The following ZFHX4 variants were observed in gnomAD, a reference collection of about 807,000 sequenced individuals.
The protein encoded by ZFHX4 is zinc finger homeobox 4, also known as zinc finger homeobox protein 4.
In ZFHX4, 56 loss-of-function variants were observed where a neutral mutation model predicts 267.6. The ratio of observed to expected loss-of-function variants is 0.21; its 90% CI spans 0.17 to 0.26. The LOEUF is 0.26. Ranked by LOEUF, ZFHX4 falls within the 10% of genes least tolerant of loss-of-function variation. The pLI is 1.00. For synonymous variants in ZFHX4, 1,778 were observed against 1,665.6 expected, an observed-to-expected ratio of 1.07 and a Z score of -1.64; for missense variants, 4,332 against 4,420.0, an observed-to-expected ratio of 0.98 and a Z score of 0.56.
At chr8:76,837,459 T>C (rs1008095110) in intron 5 of ZFHX4, among the ~76,000 whole-genome samples, 2 of 135,130 alleles carry the variant, frequency 1.5e-5, no homozygotes, top group Non-Finnish European at 3.2e-5. Context: ...GGTTGAATAA[T>C]AAATATGATT....
At chr8:76,742,536 T>C (rs1201658349) in intron 3 of ZFHX4, among the ~76,000 whole-genome samples, 1 of 152,186 alleles carries the variant, frequency 6.6e-6, no homozygotes, top group Non-Finnish European at 1.5e-5. Context: ...TCTGTTCATT[T>C]AATGCATAAC....
chr8:76,786,018 G>A (rs756047587), intron 4 of ZFHX4, among the ~76,000 whole-genome samples: 10 of 152,020 alleles, frequency 6.6e-5, no homozygotes, highest in South Asian at 2.1e-4. Flanking sequence ...AAACAAACCC[G>A]TAACGTGGAT....
chr8:76,853,251 C>G lies in ZFHX4; in HGVS notation c.6330C>G (p.Thr2110=). The change falls in exon 10 of 11, where the codon ACC becomes ACG. Residue 2110 remains threonine (T), a synonymous_variant. Coordinates refer to ENST00000651372, the MANE Select transcript of ZFHX4 (RefSeq NM_024721.5). The part of the protein sequence containing the change: ...PQMDALSADL[T]QLCQQQLGLD... ...TGGACGCACTCTCTGCAGACCTCAC[C>G]CAACTTTGCCAGCAGCAGCTCGGAT... The G allele has an allele frequency of 6.3e-7, 1 of 1,587,730 alleles. No homozygotes were observed. Among genetic ancestry groups the G allele is most frequent in the Non-Finnish European group, 8.6e-7 (1 of 1,166,544 alleles).
At chr8:76,694,671 C>T (rs893144714) in intron 1 of ZFHX4, among the ~76,000 whole-genome samples, 3 of 123,936 alleles carry the variant, frequency 2.4e-5, no homozygotes, top group African/African-American at 8.9e-5. Flanking sequence ...ACCCGCCCCC[C>T]ACCCTCCGCC....
In ZFHX4 at chr8:76,855,368, G is replaced by C. The variant is rs901752984; in HGVS notation, c.8447G>C (p.Gly2816Ala). The C allele has an allele frequency of 5.0e-6, 8 of 1,613,552 alleles. No homozygotes were observed. The African/African-American group carries it at 1.1e-4, about 22-fold the overall frequency. The change falls in exon 10 of 11, where the codon GGA (glycine) becomes GCA (alanine). Residue 2816 changes from glycine to alanine, a missense_variant. Coordinates refer to ENST00000651372, the MANE Select transcript of ZFHX4 (RefSeq NM_024721.5). ...ACGGCAATCAGTGACGCCACCACCGGAGACGAGGGAAACACTGAAATGGAA... is the reference window on the plus strand; with the variant it reads ...ACGGCAATCAGTGACGCCACCACCGCAGACGAGGGAAACACTGAAATGGAA... Reference protein sequence around the residue: ...INTAISDATTGDEGNTEMEST... With the variant: ...INTAISDATTADEGNTEMEST...
chr8:76,743,207 C>G (rs1008156895), intron 3 of ZFHX4, among the ~76,000 whole-genome samples: 5 of 152,156 alleles, frequency 3.3e-5, no homozygotes, highest in African/African-American at 4.8e-5. Flanking sequence ...GATTGAATCT[C>G]AGAGACTGAG....
chr8:76,738,409 G>A (rs577131352), intron 3 of ZFHX4, among the ~76,000 whole-genome samples: 1 of 152,236 alleles, frequency 6.6e-6, no homozygotes, highest in East Asian at 1.9e-4. Context: ...AGCAAGTTCA[G>A]GTTGCCTAAG....
chr8:76,689,973 C>T (rs1054294193), intron 1 of ZFHX4, among the ~76,000 whole-genome samples: 1 of 152,022 alleles, frequency 6.6e-6, no homozygotes, highest in Non-Finnish European at 1.5e-5. Context: ...ATCATAATGT[C>T]CTGATGGTCC....
At chr8:76,741,796 T>G (rs370896225) in intron 3 of ZFHX4, among the ~76,000 whole-genome samples, 4 of 152,158 alleles carry the variant, frequency 2.6e-5, no homozygotes, top group African/African-American at 9.7e-5. Context: ...TTTTTCAGAA[T>G]GTGTATATTT....
intron 6 of ZFHX4, among the ~76,000 whole-genome samples, chr8:76,846,287 T>C (rs1221256440): frequency 6.6e-6 from 1 of 152,074 alleles, no homozygotes; most frequent in Non-Finnish European, 1.5e-5. Flanking sequence ...CACATCTCAA[T>C]ATTCTCTACT....
In ZFHX4 at chr8:76,801,405, T is replaced by C. The variant is rs188626762; in HGVS notation, c.3325+22966T>C. Among the ~76,000 whole-genome samples the C allele has an allele frequency of 2.9e-3, 441 of 152,308 alleles. 1 individual carries two copies. The highest frequency in any genetic ancestry group is 5.1e-3 in the Non-Finnish European group (345 of 68,014). On this transcript the variant is annotated intron_variant, in intron 4 of 10. Transcript: ENST00000651372. Reference sequence around the variant, plus strand: ...GATTTAAAAGGACCGTTTAACCTTATTGTTTTAAAAGAACTCTTTGTCCTC... The same window carrying C: ...GATTTAAAAGGACCGTTTAACCTTACTGTTTTAAAAGAACTCTTTGTCCTC...
intron 3 of ZFHX4, among the ~76,000 whole-genome samples, chr8:76,728,257 G>A (rs1808907027): frequency 6.6e-6 from 1 of 152,116 alleles, no homozygotes; most frequent in Non-Finnish European, 1.5e-5. Flanking sequence ...TCCCATCCTG[G>A]TCACGGTTAA....
chr8:76,762,635 G>C (rs1004014708), intron 3 of ZFHX4, among the ~76,000 whole-genome samples: 1 of 152,034 alleles, frequency 6.6e-6, no homozygotes, highest in Non-Finnish European at 1.5e-5. Context: ...TACACTACTC[G>C]TCACAGTTCA....
intron 3 of ZFHX4, among the ~76,000 whole-genome samples, chr8:76,743,876 A>G (rs1809385820): frequency 6.6e-6 from 1 of 152,206 alleles, no homozygotes; most frequent in Non-Finnish European, 1.5e-5. Flanking sequence ...AGAAATTCAG[A>G]CCTGTAGTTC....
At chr8:76,741,490 C>T (rs184153225) in intron 3 of ZFHX4, among the ~76,000 whole-genome samples, 2 of 152,298 alleles carry the variant, frequency 1.3e-5, no homozygotes, top group African/African-American at 4.8e-5. Context: ...GGTTACTCTC[C>T]ATCCTTATCT....
chr8:76,739,740 A>G (rs1809266043), intron 3 of ZFHX4, among the ~76,000 whole-genome samples: 1 of 152,204 alleles, frequency 6.6e-6, no homozygotes, highest in South Asian at 2.1e-4. Context: ...AATGGTCAGG[A>G]GAAAAACAAT....
chr8:76,698,168 A>G (rs1041531796), intron 1 of ZFHX4, among the ~76,000 whole-genome samples: 1 of 152,128 alleles, frequency 6.6e-6, no homozygotes, highest in Non-Finnish European at 1.5e-5. Flanking sequence ...ATTCATTTTC[A>G]ATTAGAATGA....
At chr8:76,696,239 T>C (rs1490078857) in intron 1 of ZFHX4, among the ~76,000 whole-genome samples, 3 of 152,184 alleles carry the variant, frequency 2.0e-5, no homozygotes, top group Non-Finnish European at 4.4e-5. Context: ...TTCATTTTAA[T>C]AGAAACTGTA....
intron 4 of ZFHX4, among the ~76,000 whole-genome samples, chr8:76,788,302 A>G (rs145773064): frequency 2.0e-4 from 31 of 152,262 alleles, no homozygotes; most frequent in African/African-American, 7.2e-4. Flanking sequence ...GTTATCTTTT[A>G]TAGGCTAGCA....
Sources: gnomAD v4.1 joint callset for allele counts (sites outside exome capture counted in the v4.1 genomes callset) on GRCh38, gnomAD v4.1.1 for gene constraint, MANE v1.5 for transcripts, NCBI Gene and HGNC (gene_info 2026-07-23, HGNC 2026-07-21) for gene names.